The following WWOX variants were observed in gnomAD, a reference collection of about 807,000 sequenced individuals.
WWOX encodes WW domain-containing oxidoreductase.
In WWOX, 69 loss-of-function variants were observed where a neutral mutation model predicts 46.2. That is an observed-to-expected ratio of 1.49 (90% CI 1.23 to 1.82). The LOEUF is 1.82. Ranked by LOEUF, WWOX falls within the 40% of genes most tolerant of loss-of-function variation. The probability of loss-of-function intolerance (pLI) is 0.00; values close to 1 mark genes in which losing one functional copy is unlikely to be tolerated. For synonymous variants in WWOX, 359 were observed against 202.6 expected (o/e 1.77, Z -6.56); for missense variants, 919 against 542.6 (o/e 1.69, Z -6.89).
rs186219146 is a variant in WWOX at position 78,557,518 on chromosome 16, G to T, written c.1056+124766G>T. 3.5e-3 allele frequency among the ~76,000 whole-genome samples: 538 copies of T among 152,130 alleles called. 3 individuals carry two copies. The highest frequency in any genetic ancestry group is 0.012 in the African/African-American group (507 of 41,480). On this transcript the variant is annotated intron_variant, in intron 8 of 8. Coordinates refer to ENST00000566780, the MANE Select transcript of WWOX (RefSeq NM_016373.4). ...GGAATGCCGGAGCACTGGGCCCATG[G>T]AGCCCGTTTCACTTACACGTTTTTG... is the stretch of plus-strand genomic sequence containing the variant.
intron 8 of WWOX, among the ~76,000 whole-genome samples, chr16:78,985,895 C>G (rs866848686): frequency 6.6e-6 from 1 of 152,220 alleles, no homozygotes. Context: ...TCTGCAGTCC[C>G]GTCAGCCAGG....
At chr16:78,330,727 T>C (rs2080736370) in intron 5 of WWOX, among the ~76,000 whole-genome samples, 1 of 152,210 alleles carries the variant, frequency 6.6e-6, no homozygotes, top group Non-Finnish European at 1.5e-5. Context: ...TATATGTGGG[T>C]GTATTTTTCT....
chr16:78,432,666 G>C lies in WWOX; in HGVS notation c.970G>C (p.Gly324Arg). ...GGTCACGTCGAACGCAGTGCATCCT[G>C]GAAATATGATGTACTCCAACATTCA... ...RGVTSNAVHPGNMMYSNIHRS... is the reference protein window; with the variant it reads ...RGVTSNAVHPRNMMYSNIHRS... The change falls in exon 8 of 9, where the codon GGA (glycine) becomes CGA (arginine). Residue 324 changes from glycine (G) to arginine (R), a missense_variant. Gly to Arg is a moderately radical substitution (Grantham distance 125). Coordinates refer to ENST00000566780, the MANE Select transcript of WWOX (RefSeq NM_016373.4). The C allele has an allele frequency of 6.2e-7, 1 of 1,614,190 alleles. No homozygotes were observed. The highest frequency in any genetic ancestry group is 8.5e-7 in the Non-Finnish European group (1 of 1,180,034).
Position 79,194,814 on chromosome 16 carries a change from A to C in WWOX, c.1057-16794A>C, listed in dbSNP as rs79458298. ...TATACATTCAGTAGAGTTTCTGGAG[A>C]GAGTGCATACAAAAACGCCTAACTG... On this transcript the variant is annotated intron_variant, in intron 8 of 8. Transcript: ENST00000566780. Among the ~76,000 whole-genome samples the C allele has an allele frequency of 3.3e-3, 504 of 152,258 alleles. 3 individuals are homozygous for C. The highest frequency in any genetic ancestry group is 0.011 in the African/African-American group (459 of 41,560).
intron 8 of WWOX, among the ~76,000 whole-genome samples, chr16:79,209,440 C>T (rs761381190): frequency 1.5e-4 from 23 of 152,276 alleles, no homozygotes; most frequent in African/African-American, 2.2e-4. Flanking sequence ...TCTTTCCTCA[C>T]GCTTGGCAGA....
intron 8 of WWOX, among the ~76,000 whole-genome samples, chr16:78,738,074 C>A (rs1002917458): frequency 1.3e-5 from 2 of 152,148 alleles, no homozygotes; most frequent in African/African-American, 4.8e-5. Flanking sequence ...GTGGCAGCTG[C>A]CCACTTCCAG....
At chr16:79,086,567 A>C (rs1009738113) in intron 8 of WWOX, among the ~76,000 whole-genome samples, 1 of 152,038 alleles carries the variant, frequency 6.6e-6, no homozygotes, top group African/African-American at 2.4e-5. Flanking sequence ...TAGAGACCTG[A>C]CTCTGGGGTG....
At chr16:78,321,593 T>C (rs2080484142) in intron 5 of WWOX, among the ~76,000 whole-genome samples, 1 of 151,990 alleles carries the variant, frequency 6.6e-6, no homozygotes, top group Non-Finnish European at 1.5e-5. Context: ...GTCCTAACAG[T>C]GAATAAAGAC....
intron 6 of WWOX, among the ~76,000 whole-genome samples, chr16:78,414,881 C>T (rs763691070): frequency 6.6e-6 from 1 of 152,030 alleles, no homozygotes; most frequent in Non-Finnish European, 1.5e-5. Flanking sequence ...GGAAACGGGT[C>T]CCAATCTAGA....
At chr16:78,412,183 T>G (rs1388242297) in intron 6 of WWOX, among the ~76,000 whole-genome samples, 1 of 152,148 alleles carries the variant, frequency 6.6e-6, no homozygotes, top group Non-Finnish European at 1.5e-5. Context: ...TCATGGAGAC[T>G]AAAGGAGAAG....
intron 8 of WWOX, among the ~76,000 whole-genome samples, chr16:79,171,727 C>G (rs1053800200): frequency 2.0e-5 from 3 of 152,062 alleles, no homozygotes; most frequent in Non-Finnish European, 2.9e-5. Context: ...TCTTCATTCA[C>G]GTTGAAAGCA....
At chr16:78,770,524 G>A (rs2050038650) in intron 8 of WWOX, among the ~76,000 whole-genome samples, 1 of 152,130 alleles carries the variant, frequency 6.6e-6, no homozygotes, top group Admixed American at 6.5e-5. Context: ...GGTTCTCACT[G>A]AAGCCCCCAT....
At chr16:79,006,278 G>A (rs1464960644) in intron 8 of WWOX, among the ~76,000 whole-genome samples, 2 of 152,180 alleles carry the variant, frequency 1.3e-5, no homozygotes, top group Admixed American at 6.5e-5. Context: ...TGGGAATGGA[G>A]GAGAAGATGT....
intron 8 of WWOX, among the ~76,000 whole-genome samples, chr16:78,702,007 T>TTTTATA (rs1555519491): frequency 1.4e-4 from 8 of 57,630 alleles, no homozygotes; most frequent in Non-Finnish European, 2.2e-4. Flanking sequence ...CTACATAAAA[T>TTTTATA]TATATATATA....
chr16:78,265,921 T>C (rs1228760114), intron 5 of WWOX: 1 of 152,162 alleles, frequency 6.6e-6, no homozygotes, highest in Non-Finnish European at 1.5e-5. Flanking sequence ...TCAAAACACA[T>C]TGATGAAGTG....
intron 8 of WWOX, among the ~76,000 whole-genome samples, chr16:78,554,144 A>C (rs774961151): frequency 6.6e-6 from 1 of 152,200 alleles, no homozygotes; most frequent in Non-Finnish European, 1.5e-5. Context: ...GCTACCATGC[A>C]GAAAAGTGCT....
intron 5 of WWOX, among the ~76,000 whole-genome samples, chr16:78,209,266 C>T (rs1014980380): frequency 2.0e-4 from 30 of 152,164 alleles, no homozygotes; most frequent in African/African-American, 6.3e-4. Context: ...CTCTGCAGCC[C>T]GAAAAGACCA....
chr16:78,848,009 C>G (rs887535362), intron 8 of WWOX, among the ~76,000 whole-genome samples: 4 of 152,114 alleles, frequency 2.6e-5, no homozygotes, highest in Non-Finnish European at 4.4e-5. Context: ...CAGCTGATAG[C>G]CTGTCGGTGC....
At chr16:79,137,563 G>C (rs1442051677) in intron 8 of WWOX, among the ~76,000 whole-genome samples, 1 of 152,158 alleles carries the variant, frequency 6.6e-6, no homozygotes, top group Non-Finnish European at 1.5e-5. Context: ...AATTTTTAGA[G>C]AGTGTTTGTC....
Sources: allele counts gnomAD v4.1 joint callset (sites outside exome capture counted in the v4.1 genomes callset), GRCh38; gene constraint gnomAD v4.1.1; transcripts MANE v1.5; gene names NCBI Gene and HGNC (gene_info 2026-07-23, HGNC 2026-07-21).